The following DECR2 variants were observed in gnomAD, a reference collection of about 807,000 sequenced individuals.
The protein encoded by DECR2 is 2,4-dienoyl-CoA reductase 2, also known as peroxisomal 2,4-dienoyl-CoA reductase [(3E)-enoyl-CoA-producing].
A neutral mutation model predicts 29.2 loss-of-function variants in DECR2; 34 were observed. The observed-to-expected ratio is 1.16, with a 90% CI of 0.89 to 1.55. The LOEUF (loss-of-function observed/expected upper bound fraction) is 1.55. Ranked by LOEUF, DECR2 falls within the 40% of genes most tolerant of loss-of-function variation. The pLI is 0.00. For missense variants in DECR2, 485 were observed against 425.3 expected, an observed-to-expected ratio of 1.14 and a Z score of -1.23; for synonymous variants, 224 against 182.7, an observed-to-expected ratio of 1.23 and a Z score of -1.82.
chr16:405,838 T>G (rs2054717699), intron 2 of DECR2, among the ~76,000 whole-genome samples: 1 of 152,202 alleles, frequency 6.6e-6, no homozygotes, highest in African/African-American at 2.4e-5. Flanking sequence ...GGTTTTGACC[T>G]AAAGGCAGGA....
intron 1 of DECR2, among the ~76,000 whole-genome samples, chr16:402,735 G>C (rs1392666211): frequency 6.6e-6 from 1 of 151,406 alleles, no homozygotes; most frequent in Non-Finnish European, 1.5e-5. Flanking sequence ...TGTAATCCCA[G>C]CTCTTTGGGA....
intron 3 of DECR2, 106 bp downstream of exon 3, chr16:406,503 C>A: frequency 8.4e-7 from 1 of 1,184,582 alleles, no homozygotes; most frequent in Non-Finnish European, 1.2e-6. Context: ...GGCACCAAAA[C>A]TTTTTTTTTC....
intron 4 of DECR2, among the ~76,000 whole-genome samples, chr16:408,655 G>C (rs2054773063): frequency 6.6e-6 from 1 of 151,680 alleles, no homozygotes; most frequent in Admixed American, 6.6e-5. Flanking sequence ...CTACAGACGT[G>C]TGCCATCACG....
In DECR2 at chr16:407,792, CCGGGCTCTGTCTCCGGGCCTCTGTCTT is replaced by C. The variant is rs1442862343; in HGVS notation, c.337+236_337+262del. Among the ~76,000 whole-genome samples the C allele has an allele frequency of 3.9e-3, 6 of 1,542 alleles. No individual in the cohort carries two copies. The East Asian group carries it at 0.068, about 18-fold the overall frequency. The allele number at this position is 1,542 out of a possible 152,430, so 1.0% of individuals were successfully genotyped here. A position where few individuals can be genotyped will look rare whatever the true frequency, so the allele number is the denominator to read the frequency against. On this transcript the variant is annotated intron_variant, in intron 4 of 8. Transcript: ENST00000219481. ...GGCCCCTGTCTCCGGGCCTCTGTCT[CCGGGCTCTGTCTCCGGGCCTCTGTCTT>C]CGGCCGCATCTCCGGCCCCCTGTCT...
At chr16:407,349 C>T in intron 3 of DECR2, 76 bp from the exon 4 acceptor site, 5 of 1,520,670 alleles carry the variant, frequency 3.3e-6, no homozygotes, top group Non-Finnish European at 4.4e-6. Context: ...GAAGCATCGT[C>T]CTCTGCAGAT....
intron 1 of DECR2, chr16:403,027 A>T (rs1248999037): frequency 1.0e-6 from 1 of 984,980 alleles, no homozygotes; most frequent in Admixed American, 6.2e-5. Flanking sequence ...ACAGGTATTG[A>T]CAATTCTCTC....
rs1045101 is a variant in DECR2 at position 412,361 on chromosome 16, A to C, written c.*472A>C. ...CTGCACCACCTGTTTGCATAAACAC[A>C]CTTTGCTACAATCTTGCTAGTGCGT... On this transcript the variant is annotated 3_prime_UTR_variant, in exon 9 of 9. Coordinates refer to ENST00000219481, the MANE Select transcript of DECR2 (RefSeq NM_020664.4). 2 of 152,216 alleles carry C rather than the reference A, an allele frequency of 1.3e-5. No homozygotes were observed. The highest frequency in any genetic ancestry group is 2.9e-5 in the Non-Finnish European group (2 of 68,046). The allele number at this position is 152,216 out of a possible 1,614,324, so 9.4% of individuals were successfully genotyped here.
chr16:403,665 CA>C (rs1170864898), intron 1 of DECR2, among the ~76,000 whole-genome samples: 3 of 152,180 alleles, frequency 2.0e-5, no homozygotes, highest in Non-Finnish European at 4.4e-5. Context: ...TTTGTGTCAG[CA>C]CAAGTTCAGG....
intron 4 of DECR2, 128 bp downstream of exon 4, chr16:407,688 C>T (rs1490797652): frequency 1.5e-5 from 21 of 1,442,324 alleles, no homozygotes; most frequent in East Asian, 4.7e-5. Flanking sequence ...GGGTGGGCTG[C>T]ACCCCATCCA....
intron 1 of DECR2, 50 bp downstream of exon 1, chr16:402,093 G>A (rs1466794131): frequency 6.2e-6 from 8 of 1,296,852 alleles, no homozygotes; most frequent in Non-Finnish European, 7.9e-6. Flanking sequence ...GGTCCGGTCC[G>A]CGGGCGCCGG....
chr16:404,658 C>T (rs995291223), intron 1 of DECR2, among the ~76,000 whole-genome samples: 4 of 149,400 alleles, frequency 2.7e-5, no homozygotes, highest in Non-Finnish European at 5.9e-5. Flanking sequence ...GAGACGGAGT[C>T]TTGCTCTTTT....
At position 408,221 on chromosome 16, in the gene DECR2, G is replaced by A. The variant is rs1361897749; in HGVS notation, c.337+661G>A. Reference sequence around the variant, plus strand: ...CCCCTGTCTCCGGCCCCCTGTCTCCGGGCCTCTGTCTCCGGGCCTCTGTCT... The same window carrying A: ...CCCCTGTCTCCGGCCCCCTGTCTCCAGGCCTCTGTCTCCGGGCCTCTGTCT... On this transcript the variant is annotated intron_variant, in intron 4 of 8. Transcript: ENST00000219481. 1.9e-4 allele frequency among the ~76,000 whole-genome samples: 26 copies of A among 139,928 alleles called. 1 individual carries two copies. Among genetic ancestry groups the A allele is most frequent in the African/African-American group, 5.8e-4 (21 of 36,332 alleles). 91.8% of individuals were successfully genotyped at this position (139,928 alleles called of 152,430 possible).
At chr16:406,515 GAGACGGGA>G in intron 3 of DECR2, 118 bp downstream of exon 3, 1 of 1,016,102 alleles carries the variant, frequency 9.8e-7, no homozygotes, top group Admixed American at 2.3e-5. Context: ...TTTTTTTTCT[GAGACGGGA>G]GTCTCGCTCT....
chr16:408,241 C>T (rs376334382), intron 4 of DECR2, among the ~76,000 whole-genome samples: 4 of 149,868 alleles, frequency 2.7e-5, no homozygotes, highest in Admixed American at 2.0e-4. Context: ...CTCCGGGCCT[C>T]TGTCTCCGGC....
intron 1 of DECR2, 121 bp downstream of exon 1, chr16:402,164 C>T: frequency 4.2e-6 from 3 of 711,948 alleles, no homozygotes; most frequent in Non-Finnish European, 5.7e-6. Flanking sequence ...TGGCTCCTTT[C>T]TTTCTTTTTT....
intron 1 of DECR2, among the ~76,000 whole-genome samples, chr16:403,526 G>C (rs2054691556): frequency 6.6e-6 from 1 of 152,168 alleles, no homozygotes; most frequent in East Asian, 1.9e-4. Context: ...GTGCCATGCA[G>C]GGCTTAGGAG....
At position 411,544 on chromosome 16, in the gene DECR2, T is replaced by C; in HGVS notation, c.845T>C (p.Leu282Pro). 6.2e-7 allele frequency: 1 copy of C among 1,613,882 alleles called. No homozygotes were observed. Among genetic ancestry groups the C allele is most frequent in the Non-Finnish European group, 8.5e-7 (1 of 1,179,904 alleles). ...WLTFPNGVKGLPDFASFSAKL is the reference protein window; with the variant it reads ...WLTFPNGVKGPPDFASFSAKL ...ACGTTCCCAAACGGTGTCAAAGGGC[T>C]GCCGGATTTCGCATCCTTCTCTGCT... is the stretch of plus-strand genomic sequence containing the variant. The change falls in exon 8 of 9, where the codon CTG becomes CCG. Residue 282 changes from leucine to proline, a missense_variant. Physicochemically the swap from Leu to Pro is moderately conservative, Grantham distance 98 (BLOSUM62 -3). Coordinates refer to ENST00000219481, the MANE Select transcript of DECR2 (RefSeq NM_020664.4).
chr16:407,638 G>C (rs2054742352), intron 4 of DECR2, 78 bp downstream of exon 4: 16 of 1,579,908 alleles, frequency 1.0e-5, no homozygotes, highest in Non-Finnish European at 1.4e-5. Flanking sequence ...CTCTGGTCAT[G>C]GGGTGGGGAC....
In DECR2 at chr16:411,915, C is replaced by T. The variant is rs186144808; in HGVS notation, c.*26C>T. Reference sequence around the variant, plus strand: ...GAATCTTCCGGCCGCTGCTTCCTGCCGCCTCACTCAGCCAGGTGGAGAGCA... The same window carrying T: ...GAATCTTCCGGCCGCTGCTTCCTGCTGCCTCACTCAGCCAGGTGGAGAGCA... On this transcript the variant is annotated 3_prime_UTR_variant, in exon 9 of 9. Transcript: ENST00000219481. 26 of 306,520 alleles carry T rather than the reference C, an allele frequency of 8.5e-5. No individual in the cohort carries two copies. Among genetic ancestry groups the T allele is most frequent in the African/African-American group, 4.3e-4 (20 of 46,018 alleles). The allele number at this position is 306,520 out of a possible 1,614,324, so 19.0% of individuals were successfully genotyped here. A position where few individuals can be genotyped will look rare whatever the true frequency, so the allele number is the denominator to read the frequency against.
Sources: allele counts gnomAD v4.1 joint callset (sites outside exome capture counted in the v4.1 genomes callset), GRCh38; gene constraint gnomAD v4.1.1; transcripts MANE v1.5; gene names NCBI Gene and HGNC (gene_info 2026-07-23, HGNC 2026-07-21).